EPB41L4A: variants seen among roughly 807,000 people sequenced by gnomAD.
EPB41L4A encodes erythrocyte membrane protein band 4.1 like 4A, also known as band 4.1-like protein 4A.
A neutral mutation model predicts 108.6 loss-of-function variants in EPB41L4A; 100 were observed. That is an observed-to-expected ratio of 0.92 (90% CI 0.78 to 1.09). The LOEUF (loss-of-function observed/expected upper bound fraction) is 1.09, where lower values mean the gene tolerates loss of function less well. Ranked by LOEUF, EPB41L4A falls within the 50% of genes least tolerant of loss-of-function variation. The pLI, the probability that EPB41L4A is intolerant of heterozygous loss-of-function variation, is 0.00. For synonymous variants in EPB41L4A, 319 were observed against 289.0 expected, an observed-to-expected ratio of 1.10 and a Z score of -1.05; for missense variants, 1,030 against 842.7, an observed-to-expected ratio of 1.22 and a Z score of -2.75.
intron 1 of EPB41L4A, among the ~76,000 whole-genome samples, chr5:112,337,325 T>C (rs1187371898): frequency 6.6e-6 from 1 of 152,194 alleles, no homozygotes; most frequent in Non-Finnish European, 1.5e-5. Context: ...CAATCTACTA[T>C]AAAATCCGGT....
intron 1 of EPB41L4A, among the ~76,000 whole-genome samples, chr5:112,345,820 C>T (rs1487109603): frequency 6.9e-6 from 1 of 145,466 alleles, no homozygotes; most frequent in African/African-American, 2.6e-5. Context: ...CACACACACA[C>T]ACGCACACAT....
intron 12 of EPB41L4A, among the ~76,000 whole-genome samples, chr5:112,212,332 G>A (rs993047995): frequency 2.0e-5 from 3 of 147,458 alleles, no homozygotes; most frequent in Admixed American, 6.9e-5. Flanking sequence ...TTGCTTTGTC[G>A]CCCATGCTGG....
chr5:112,244,300 G>T (rs989448662), intron 9 of EPB41L4A, among the ~76,000 whole-genome samples: 1 of 152,152 alleles, frequency 6.6e-6, no homozygotes, highest in Non-Finnish European at 1.5e-5. Context: ...GCAGTTTGTG[G>T]CACCCCAAAT....
chr5:112,300,922 T>C (rs998803774), intron 2 of EPB41L4A, among the ~76,000 whole-genome samples: 1 of 152,176 alleles, frequency 6.6e-6, no homozygotes, highest in African/African-American at 2.4e-5. Flanking sequence ...TTATTCTGCT[T>C]GTTCGAGTCT....
intron 1 of EPB41L4A, among the ~76,000 whole-genome samples, chr5:112,377,750 A>T (rs992280331): frequency 6.6e-6 from 1 of 152,152 alleles, no homozygotes; most frequent in Non-Finnish European, 1.5e-5. Flanking sequence ...CTTCAGAGAA[A>T]GGTGCTAAAA....
intron 16 of EPB41L4A, among the ~76,000 whole-genome samples, chr5:112,195,016 G>A (rs911762697): frequency 6.6e-6 from 1 of 152,150 alleles, no homozygotes; most frequent in Non-Finnish European, 1.5e-5. Context: ...GCCCCACTGA[G>A]AGACGTAGAG....
intron 1 of EPB41L4A, among the ~76,000 whole-genome samples, chr5:112,326,982 C>G (rs1048131983): frequency 1.3e-5 from 2 of 152,168 alleles, no homozygotes; most frequent in Admixed American, 1.3e-4. Context: ...TTAACCCTCA[C>G]GACTATACTA....
intron 1 of EPB41L4A, among the ~76,000 whole-genome samples, chr5:112,314,230 T>C (rs975437005): frequency 9.9e-5 from 15 of 152,166 alleles, no homozygotes; most frequent in Admixed American, 5.9e-4. Context: ...CGGGCCATTA[T>C]ATACCAATGT....
downstream of EPB41L4A, chr5:112,160,992 G>A (rs1405359067): frequency 1.3e-5 from 2 of 156,286 alleles, no homozygotes; most frequent in Admixed American, 6.5e-5. Flanking sequence ...CCTGAGTCTG[G>A]TGAGTCGACT....
At chr5:112,316,079 AATCGTAG>A (rs1175060335) in intron 1 of EPB41L4A, among the ~76,000 whole-genome samples, 1 of 152,248 alleles carries the variant, frequency 6.6e-6, no homozygotes, top group Non-Finnish European at 1.5e-5. Flanking sequence ...AAAGGCTTAT[AATCGTAG>A]AGAAAGACTC....
At chr5:112,332,668 G>A (rs1466224453) in intron 1 of EPB41L4A, among the ~76,000 whole-genome samples, 2 of 151,960 alleles carry the variant, frequency 1.3e-5, no homozygotes, top group African/African-American at 4.8e-5. Flanking sequence ...ACTGACACCA[G>A]GTTATATTTT....
At chr5:112,393,307 T>A (rs1349857199) in intron 1 of EPB41L4A, among the ~76,000 whole-genome samples, 1 of 151,954 alleles carries the variant, frequency 6.6e-6, no homozygotes, top group Non-Finnish European at 1.5e-5. Context: ...CAGGAGCTGG[T>A]TTTTTGAAAA....
At chr5:112,271,971 C>T (rs1300035476) in intron 4 of EPB41L4A, among the ~76,000 whole-genome samples, 1 of 152,042 alleles carries the variant, frequency 6.6e-6, no homozygotes, top group Non-Finnish European at 1.5e-5. Flanking sequence ...AGCGGGGACT[C>T]CAAGTTGATG....
intron 18 of EPB41L4A, among the ~76,000 whole-genome samples, chr5:112,176,351 A>C (rs1016360139): frequency 6.6e-6 from 1 of 152,214 alleles, no homozygotes; most frequent in Non-Finnish European, 1.5e-5. Flanking sequence ...TATATGAAGT[A>C]ATCCATCATC....
intron 13 of EPB41L4A, among the ~76,000 whole-genome samples, chr5:112,209,530 T>C (rs963895883): frequency 2.0e-5 from 3 of 152,254 alleles, no homozygotes; most frequent in Non-Finnish European, 4.4e-5. Flanking sequence ...ATGAACACAG[T>C]ACATTAAACA....
At chr5:112,143,840 T>A (rs948709624) in exon 14 of EPB41L4A, 21 of 455,314 alleles carry the variant, frequency 4.6e-5, no homozygotes, top group African/African-American at 4.2e-4. Flanking sequence ...CATCACTTCA[T>A]GTGCTGACCC....
chr5:112,313,098 T>C (rs1221933691), intron 1 of EPB41L4A, among the ~76,000 whole-genome samples: 1 of 152,152 alleles, frequency 6.6e-6, no homozygotes, highest in Non-Finnish European at 1.5e-5. Context: ...AGTACACTAA[T>C]AAATGCCAGA....
At chr5:112,365,167 A>G (rs946411223) in intron 1 of EPB41L4A, among the ~76,000 whole-genome samples, 3 of 152,164 alleles carry the variant, frequency 2.0e-5, no homozygotes, top group African/African-American at 7.2e-5. Context: ...AATTATAAAG[A>G]TTATAGCATC....
At chr5:112,257,335 G>A (rs551274557) in intron 9 of EPB41L4A, 3 of 151,966 alleles carry the variant, frequency 2.0e-5, no homozygotes, top group Non-Finnish European at 2.9e-5. Flanking sequence ...GACCTGCTTT[G>A]TCACCTTCTT....
Sources: gnomAD v4.1 joint callset for allele counts (sites outside exome capture counted in the v4.1 genomes callset) on GRCh38, gnomAD v4.1.1 for gene constraint, MANE v1.5 for transcripts, NCBI Gene and HGNC (gene_info 2026-07-23, HGNC 2026-07-21) for gene names.